TUT7: variants seen among roughly 807,000 people sequenced by gnomAD.
TUT7 encodes terminal uridylyl transferase 7, also known as terminal uridylyltransferase 7.
TUT7 carries 33 observed loss-of-function variants against 165.9 expected under a neutral mutation model. The ratio of observed to expected loss-of-function variants is 0.20; its 90% CI spans 0.15 to 0.27. TUT7 has a LOEUF of 0.27. Among genes scored for constraint, TUT7 ranks in the 10% least tolerant of loss-of-function variants. The pLI is 1.00. For missense variants in TUT7, 1,338 were observed against 1,762.3 expected (o/e 0.76, Z 4.31); for synonymous variants, 552 against 608.1 (o/e 0.91, Z 1.36).
intron 14 of TUT7, among the ~76,000 whole-genome samples, chr9:86,320,257 C>CA (rs10656642): frequency 0.031 from 3,487 of 112,228 alleles, 129 homozygotes; most frequent in African/African-American, 0.098. Flanking sequence ...AAAAATTTCC[C>CA]AAAAAAAAAA....
chr9:86,333,281 T>C (rs995323295), intron 10 of TUT7, among the ~76,000 whole-genome samples: 1 of 152,162 alleles, frequency 6.6e-6, no homozygotes, highest in Non-Finnish European at 1.5e-5. Flanking sequence ...TTTAGGAGTC[T>C]GGCATTAATT....
chr9:86,332,612 T>C (rs184390954), intron 10 of TUT7, among the ~76,000 whole-genome samples: 14 of 152,292 alleles, frequency 9.2e-5, no homozygotes, highest in Non-Finnish European at 2.1e-4. Context: ...GCTTAGTACC[T>C]GGGTGATAAA....
intron 26 of TUT7, among the ~76,000 whole-genome samples, chr9:86,296,016 A>G (rs1826286130): frequency 6.6e-6 from 1 of 152,224 alleles, no homozygotes; most frequent in African/African-American, 2.4e-5. Flanking sequence ...TCACTGTGGT[A>G]CCACAATCTC....
At chr9:86,344,420 T>A (rs974906672) in intron 5 of TUT7, among the ~76,000 whole-genome samples, 6 of 152,100 alleles carry the variant, frequency 3.9e-5, no homozygotes, top group Non-Finnish European at 8.8e-5. Flanking sequence ...CAAATAGTTG[T>A]GCCCCCTCCC....
chr9:86,317,517 C>G (rs1828834909), intron 16 of TUT7, among the ~76,000 whole-genome samples: 1 of 152,168 alleles, frequency 6.6e-6, no homozygotes, highest in Non-Finnish European at 1.5e-5. Flanking sequence ...TAAAATCAGT[C>G]AGGAAGCTTA....
rs753698849 is a variant in TUT7, at chr9:86,353,146, AGTCCCCCG to A, written c.46_53del (p.Arg16TyrfsTer3). On this transcript the variant is annotated frameshift_variant, in exon 2 of 27. Coordinates refer to ENST00000375963, the MANE Select transcript of TUT7 (RefSeq NM_024617.4). LOFTEE classifies it high-confidence loss of function. ...CCCTTCTGAAGTCATCATCATCCAT[AGTCCCCCG>A]GTCTTTAGTGCGCTTCACGAAATAA... 1 of 1,609,604 alleles carries A rather than the reference AGTCCCCCG, an allele frequency of 6.2e-7. No homozygotes were observed. Among genetic ancestry groups the A allele is most frequent in the Non-Finnish European group, 8.5e-7 (1 of 1,178,896 alleles).
At chr9:86,301,788 G>A in intron 25 of TUT7, 187 bp from the exon 26 acceptor site, 4 of 985,390 alleles carry the variant, frequency 4.1e-6, no homozygotes, top group Non-Finnish European at 4.8e-6. Context: ...CAGGGTTTAA[G>A]GGTGCAGTTT....
intron 14 of TUT7, 147 bp from the exon 15 acceptor site, chr9:86,319,817 T>A (rs1003655305): frequency 1.6e-6 from 1 of 633,212 alleles, no homozygotes; most frequent in African/African-American, 1.9e-5. Flanking sequence ...GTAGATAGCA[T>A]TAACAAGGTA....
At chr9:86,321,879 T>C (rs1829331222) in intron 14 of TUT7, among the ~76,000 whole-genome samples, 1 of 152,120 alleles carries the variant, frequency 6.6e-6, no homozygotes. Context: ...AGTTCAAGAC[T>C]AGCTTGGGTA....
At chr9:86,294,442 T>C (rs570010843) in intron 26 of TUT7, among the ~76,000 whole-genome samples, 101 of 152,272 alleles carry the variant, frequency 6.6e-4, no homozygotes, top group African/African-American at 2.3e-3. Flanking sequence ...ATCACTGTGA[T>C]TTTTTGTCAT....
In TUT7 at chr9:86,338,957, G is replaced by A; in HGVS notation, c.1209-8C>T. ...ACTTTACACAGAAGACCACTGGTGA[G>A]AGGTGGGGGAGGAGGATGGGAAAGA... On this transcript the variant is annotated splice_polypyrimidine_tract_variant and splice_region_variant and intron_variant, in intron 8 of 26. Transcript: ENST00000375963. 1 of 1,568,782 alleles carries A rather than the reference G, an allele frequency of 6.4e-7. No homozygotes were observed. The highest frequency in any genetic ancestry group is 1.2e-5 in the South Asian group (1 of 83,300).
rs544455762 is a variant in TUT7, at chr9:86,287,876, A to G, written c.*801T>C. ...TCAGACCCAGAATGACACCAGCCAC[A>G]CTTGTGACTGGCAGAGATAACCTCT... On this transcript the variant is annotated 3_prime_UTR_variant, in exon 27 of 27. Transcript: ENST00000375963. 8 of 152,362 alleles carry G rather than the reference A, an allele frequency of 5.3e-5. No individual in the cohort carries two copies. The highest frequency in any genetic ancestry group is 1.9e-4 in the African/African-American group (8 of 41,586). The allele number at this position is 152,362 out of a possible 1,614,324, so 9.4% of individuals were successfully genotyped here. A position where few individuals can be genotyped will look rare whatever the true frequency, so the allele number is the denominator to read the frequency against.
intron 21 of TUT7, 101 bp downstream of exon 21, chr9:86,309,111 T>C (rs746420936): frequency 9.7e-6 from 7 of 719,012 alleles, no homozygotes; most frequent in African/African-American, 1.8e-5. Context: ...ATAAGATATA[T>C]AAATACAACA....
intron 10 of TUT7, among the ~76,000 whole-genome samples, chr9:86,336,584 C>T (rs1416705911): frequency 1.3e-5 from 2 of 152,158 alleles, no homozygotes; most frequent in Admixed American, 1.3e-4. Context: ...TTGATGTGTA[C>T]TCATTGTTAA....
chr9:86,315,597 T>C (rs556041027), intron 17 of TUT7, among the ~76,000 whole-genome samples: 19 of 152,172 alleles, frequency 1.2e-4, no homozygotes, highest in Non-Finnish European at 1.9e-4. Flanking sequence ...ACTAAAAAAT[T>C]AATAGTCACG....
rs1828807643 is a variant in TUT7 at position 86,317,268 on chromosome 9, G to A, written c.3225C>T (p.Asp1075=). 2 of 1,613,492 alleles carry A rather than the reference G, an allele frequency of 1.2e-6. No homozygotes were observed. Among genetic ancestry groups the A allele is most frequent in the African/African-American group, 1.3e-5 (1 of 74,880 alleles). ...INGLETAEGL[D]CVRTIEELAR... is the part of the protein sequence containing the mutation. ...CTAATTCTTCAATAGTTCTGACACA[G>A]TCCAATCCCTACAACAAAGAAGGCA... The change falls in exon 17 of 27, where the codon GAC becomes GAT. Residue 1075 remains aspartate, a synonymous_variant. Coordinates refer to ENST00000375963, the MANE Select transcript of TUT7 (RefSeq NM_024617.4).
chr9:86,323,258 G>T lies in TUT7; in HGVS notation c.2492C>A (p.Thr831Asn). 1 of 1,614,102 alleles carries T rather than the reference G, an allele frequency of 6.2e-7. No homozygotes were observed. Among genetic ancestry groups the T allele is most frequent in the Non-Finnish European group, 8.5e-7 (1 of 1,180,030 alleles). The change falls in exon 13 of 27, where the codon ACC becomes AAC. Residue 831 changes from threonine to asparagine, a missense_variant. Physicochemically the swap from Thr to Asn is moderately conservative, Grantham distance 65. This residue lies in a region of TUT7 where 425 missense variants were observed against 474.9 expected (regional missense o/e 0.89). Coordinates refer to ENST00000375963, the MANE Select transcript of TUT7 (RefSeq NM_024617.4). ...EELEDSLNHF[T>N]HSVQGQTSEM... ...TGATGTCTGGCCCTGTACTGAGTGG[G>T]TAAAGTGGTTTAGAGAGTCTTCTAG...
At chr9:86,347,164 G>GCCT (rs1831848129) in intron 2 of TUT7, among the ~76,000 whole-genome samples, 2 of 152,120 alleles carry the variant, frequency 1.3e-5, no homozygotes, top group African/African-American at 2.4e-5. Context: ...TCTTTGAATG[G>GCCT]CCTGTACACT....
intron 10 of TUT7, among the ~76,000 whole-genome samples, chr9:86,336,038 C>A (rs959271762): frequency 6.6e-6 from 1 of 152,132 alleles, no homozygotes; most frequent in African/African-American, 2.4e-5. Context: ...AGAGATTTTT[C>A]TTTTTCCTGC....
Sources: allele counts gnomAD v4.1 joint callset (sites outside exome capture counted in the v4.1 genomes callset), GRCh38; gene constraint gnomAD v4.1.1; regional missense constraint gnomAD v4.1.1; transcripts MANE v1.5; gene names NCBI Gene and HGNC (gene_info 2026-07-23, HGNC 2026-07-21).